Variants in TENM2 observed in about 807,000 individuals in gnomAD.
TENM2 encodes teneurin transmembrane protein 2, also known as teneurin-2.
A neutral mutation model predicts 245.2 loss-of-function variants in TENM2; 52 were observed. The ratio of observed to expected loss-of-function variants is 0.21; its 90% CI spans 0.17 to 0.27. The LOEUF (loss-of-function observed/expected upper bound fraction) is 0.27. TENM2 is among the 10% of genes least tolerant of loss of function. TENM2 has a pLI of 1.00. For synonymous variants in TENM2, 1,363 were observed against 1,438.9 expected, an observed-to-expected ratio of 0.95 and a Z score of 1.19; for missense variants, 3,046 against 3,666.8, an observed-to-expected ratio of 0.83 and a Z score of 4.37.
At chr5:167,785,084 TC>T (rs1362532927) in intron 2 of TENM2, among the ~76,000 whole-genome samples, 1 of 152,242 alleles carries the variant, frequency 6.6e-6, no homozygotes, top group Non-Finnish European at 1.5e-5. Flanking sequence ...CATTTCTAAT[TC>T]TTAAAATAGA....
the TENM2 span, among the ~76,000 whole-genome samples, chr5:167,236,538 TTTTCTG>T: frequency 6.6e-6 from 1 of 152,272 alleles, no homozygotes; most frequent in Non-Finnish European, 1.5e-5. Flanking sequence ...GGGTCCTACT[TTTTCTG>T]TTTCTAAAAC....
At chr5:168,013,088 C>A (rs1785374657) in intron 5 of TENM2, among the ~76,000 whole-genome samples, 1 of 152,158 alleles carries the variant, frequency 6.6e-6, no homozygotes. Context: ...AAAGTCTAAA[C>A]CATTCCCAGC....
At chr5:167,359,466 G>C (rs532666717) in intron 1 of TENM2, among the ~76,000 whole-genome samples, 131 of 152,050 alleles carry the variant, frequency 8.6e-4, no homozygotes, top group African/African-American at 2.8e-3. Flanking sequence ...TCCTGGATCA[G>C]ATTATTCAAA....
chr5:167,258,215 G>GTATATATATATGTGTATATATATA, the TENM2 span, among the ~76,000 whole-genome samples: 575 of 122,840 alleles, frequency 4.7e-3, 3 homozygotes, highest in African/African-American at 0.017. Context: ...ATATATATAT[G>GTATATATATATGTGTATATATATA]TATATATATA....
chr5:167,154,085 A>G, the TENM2 span, among the ~76,000 whole-genome samples: 2 of 152,158 alleles, frequency 1.3e-5, no homozygotes, highest in Admixed American at 1.3e-4. Flanking sequence ...GGAGATTAAT[A>G]TTTTTGTTTA....
At chr5:168,065,007 C>T (rs1337686942) in intron 7 of TENM2, among the ~76,000 whole-genome samples, 1 of 152,148 alleles carries the variant, frequency 6.6e-6, no homozygotes, top group African/African-American at 2.4e-5. Flanking sequence ...ACTGACGTCT[C>T]GAACTATTAT....
At chr5:167,129,564 G>A in the TENM2 span, among the ~76,000 whole-genome samples, 3 of 152,238 alleles carry the variant, frequency 2.0e-5, no homozygotes, top group South Asian at 6.2e-4. Flanking sequence ...GTTTGAATTC[G>A]AGCCTCTCCT....
chr5:168,070,795 G>A (rs765823516), intron 7 of TENM2, among the ~76,000 whole-genome samples: 1 of 53,736 alleles, frequency 1.9e-5, no homozygotes, highest in Non-Finnish European at 4.7e-5. Context: ...AAGAAAGAAA[G>A]AGAGAGAGAG....
At chr5:168,113,271 G>A (rs10079060) in intron 9 of TENM2, among the ~76,000 whole-genome samples, 35,385 of 151,976 alleles carry the variant, frequency 0.23, 4,459 homozygotes, top group African/African-American at 0.28. Flanking sequence ...AGTGAATGGT[G>A]ATCCTGCCAC....
At chr5:168,082,306 C>A (rs903210934) in intron 7 of TENM2, among the ~76,000 whole-genome samples, 1 of 152,152 alleles carries the variant, frequency 6.6e-6, no homozygotes, top group Non-Finnish European at 1.5e-5. Context: ...CTTCTCTATG[C>A]TGTTTATTCT....
chr5:167,219,077 T>C, the TENM2 span, among the ~76,000 whole-genome samples: 11 of 152,180 alleles, frequency 7.2e-5, no homozygotes, highest in Non-Finnish European at 1.3e-4. Context: ...CTCTTTGAGA[T>C]TGAAGAAGTT....
chr5:167,574,635 T>C (rs1774518527), intron 2 of TENM2, among the ~76,000 whole-genome samples: 1 of 152,188 alleles, frequency 6.6e-6, no homozygotes, highest in African/African-American at 2.4e-5. Context: ...TTAGGGCATG[T>C]TGTAGAAAGG....
chr5:167,059,891 G>C, the TENM2 span, among the ~76,000 whole-genome samples: 4 of 151,758 alleles, frequency 2.6e-5, no homozygotes, highest in African/African-American at 9.7e-5. Flanking sequence ...GTTAGTAGAG[G>C]TGGGGTTTCA....
At chr5:167,405,757 CACACACACACAA>C (rs1252703677) in intron 2 of TENM2, among the ~76,000 whole-genome samples, 1 of 126,402 alleles carries the variant, frequency 7.9e-6, no homozygotes, top group Non-Finnish European at 1.6e-5. Context: ...GCAATTCAAA[CACACACACACAA>C]ACACACACAC....
At chr5:168,211,639 C>T in intron 19 of TENM2, 95 bp from the exon 22 acceptor site, 1 of 827,020 alleles carries the variant, frequency 1.2e-6, no homozygotes, top group Non-Finnish European at 1.9e-6. Context: ...TTTTGGGCCC[C>T]TTTATACAAG....
At chr5:167,567,947 G>C (rs2127654110) in intron 2 of TENM2, among the ~76,000 whole-genome samples, 1 of 146,196 alleles carries the variant, frequency 6.8e-6, no homozygotes, top group Non-Finnish European at 1.5e-5. Flanking sequence ...GTACAAGGTA[G>C]TACTCAAAGG....
rs78987866 is a variant in TENM2, at chr5:167,576,717, T to C, written c.502+201244T>C. Among the ~76,000 whole-genome samples, 1,272 of 152,208 alleles carry C rather than the reference T, an allele frequency of 8.4e-3. 36 individuals carry two copies. The highest frequency in any genetic ancestry group is 0.072 in the East Asian group (372 of 5,180). On this transcript the variant is annotated intron_variant, in intron 2 of 28. Coordinates refer to ENST00000518659, the Ensembl canonical transcript of TENM2. ...GTAATGATCAAACGCATTATAAAAA[T>C]ATGCACCAGTTGCCAACATGTAATG...
intron 1 of TENM2, chr5:167,287,420 G>A (rs1754352170): frequency 6.6e-6 from 1 of 152,168 alleles, no homozygotes; most frequent in South Asian, 2.1e-4. Flanking sequence ...AAGGATCATA[G>A]TGGGATCATC....
chr5:167,849,999 G>A (rs1202746727), intron 2 of TENM2, among the ~76,000 whole-genome samples: 1 of 152,050 alleles, frequency 6.6e-6, no homozygotes, highest in African/African-American at 2.4e-5. Context: ...ATTGTCCGTG[G>A]GTGATCAACT....
Sources: allele counts gnomAD v4.1 joint callset (sites outside exome capture counted in the v4.1 genomes callset), GRCh38; gene constraint gnomAD v4.1.1; transcripts MANE v1.5; gene names NCBI Gene and HGNC (gene_info 2026-07-23, HGNC 2026-07-21).